NBEA: variants seen among roughly 807,000 people sequenced by gnomAD.
NBEA encodes the protein neurobeachin, also known as lysosomal-trafficking regulator 2.
A neutral mutation model predicts 343.4 loss-of-function variants in NBEA; 44 were observed. That is an observed-to-expected ratio of 0.13 (90% CI 0.10 to 0.16). The LOEUF is 0.16. Ranked by LOEUF, NBEA falls within the 10% of genes least tolerant of loss-of-function variation. NBEA has a pLI of 1.00. For missense variants in NBEA, 2,555 were observed against 3,631.3 expected, an observed-to-expected ratio of 0.70 and a Z score of 7.62; for synonymous variants, 1,175 against 1,238.7, an observed-to-expected ratio of 0.95 and a Z score of 1.08.
At chr13:35,239,092 T>G (rs182113900) in intron 34 of NBEA, among the ~76,000 whole-genome samples, 2 of 152,184 alleles carry the variant, frequency 1.3e-5, no homozygotes, top group East Asian at 3.9e-4. Context: ...CACAAGAAAA[T>G]TGGGTAAATG....
In NBEA at chr13:34,943,102, G is replaced by C. The variant is rs201561325; in HGVS notation, c.282G>C (p.Thr94=). ...GEVSNRDIVE[T]VLNLLVGGEF... ...TCAGCAACAGGGACATCGTGGAGACGGTGCTCAACCTGGTAAGGAAAAGGC... is the reference window on the plus strand; with the variant it reads ...TCAGCAACAGGGACATCGTGGAGACCGTGCTCAACCTGGTAAGGAAAAGGC... Residue 94 remains threonine (T), a synonymous_variant, in exon 1 of 59, where the codon ACG becomes ACC. Transcript: ENST00000379939. The C allele has an allele frequency of 2.4e-5, 38 of 1,613,336 alleles. No individual in the cohort carries two copies. In the East Asian group the frequency reaches 4.2e-4, roughly 18 times the overall value.
intron 9 of NBEA, 124 bp downstream of exon 9, chr13:35,070,229 A>T (rs760667621): frequency 1.5e-5 from 14 of 923,076 alleles, no homozygotes; most frequent in Non-Finnish European, 2.0e-5. Flanking sequence ...GCTTTTGCAG[A>T]TCTTTTAAGT....
At chr13:35,215,525 A>T (rs1285789430) in intron 33 of NBEA, among the ~76,000 whole-genome samples, 1 of 151,772 alleles carries the variant, frequency 6.6e-6, no homozygotes, top group African/African-American at 2.4e-5. Context: ...ATCTTAAAAA[A>T]TAGCAAATCA....
intron 1 of NBEA, among the ~76,000 whole-genome samples, chr13:34,950,291 T>C (rs1011246314): frequency 3.3e-5 from 5 of 152,154 alleles, no homozygotes; most frequent in Non-Finnish European, 5.9e-5. Flanking sequence ...TAGAATTGAT[T>C]GCAGTCTGCA....
At chr13:35,239,452 T>G (rs1367711880) in intron 34 of NBEA, among the ~76,000 whole-genome samples, 1 of 152,120 alleles carries the variant, frequency 6.6e-6, no homozygotes, top group Non-Finnish European at 1.5e-5. Context: ...GGTAGTAATA[T>G]TATCGATATT....
intron 49 of NBEA, 31 bp downstream of exon 49, chr13:35,628,279 A>C (rs1466974160): frequency 6.8e-7 from 1 of 1,466,740 alleles, no homozygotes; most frequent in African/African-American, 1.4e-5. Flanking sequence ...TATTCCAAAA[A>C]TTTCTGTCAT....
chr13:35,053,487 TCCC>T (rs1232211875), intron 6 of NBEA, among the ~76,000 whole-genome samples: 9 of 152,102 alleles, frequency 5.9e-5, no homozygotes, highest in Non-Finnish European at 1.5e-5. Context: ...TGTCTTTCCT[TCCC>T]AGTTACTTAT....
intron 38 of NBEA, among the ~76,000 whole-genome samples, chr13:35,360,806 G>T (rs1765157873): frequency 6.6e-6 from 1 of 151,900 alleles, no homozygotes; most frequent in Non-Finnish European, 1.5e-5. Flanking sequence ...GAAGAAAAGA[G>T]AGAAATCAGA....
chr13:34,963,544 G>A (rs960929184), intron 1 of NBEA, among the ~76,000 whole-genome samples: 1 of 151,972 alleles, frequency 6.6e-6, no homozygotes, highest in East Asian at 1.9e-4. Context: ...TCTTAACTAA[G>A]CGAAAATAAG....
Position 35,551,120 on chromosome 13 carries a change from A to G in NBEA, c.6806+88A>G, listed in dbSNP as rs2079302960. The G allele has an allele frequency of 2.6e-5, 19 of 721,336 alleles. 1 individual carries two copies. In the South Asian group the frequency reaches 5.0e-4, roughly 19 times the overall value. The allele number at this position is 721,336 out of a possible 1,614,324, so 44.7% of individuals were successfully genotyped here. ...GCAATGTAAATGTGGTTATAACATT[A>G]TAATTATTTCAGAGACCAAAGAATT... is the stretch of plus-strand genomic sequence containing the variant. On this transcript the variant is annotated intron_variant, in intron 43 of 58. Coordinates refer to ENST00000379939, the MANE Select transcript of NBEA (RefSeq NM_001385012.1).
intron 11 of NBEA, among the ~76,000 whole-genome samples, chr13:35,102,490 A>G (rs2065694709): frequency 1.3e-5 from 2 of 151,650 alleles, no homozygotes; most frequent in African/African-American, 2.4e-5. Flanking sequence ...CATCTTTCCT[A>G]TATTGAATCT....
At chr13:35,426,968 T>C (rs182083566) in intron 38 of NBEA, among the ~76,000 whole-genome samples, 7 of 152,334 alleles carry the variant, frequency 4.6e-5, no homozygotes, top group African/African-American at 1.4e-4. Context: ...TCTTGTGCCA[T>C]GGTTTTCAGC....
chr13:35,248,042 A>G (rs182665581), intron 34 of NBEA, among the ~76,000 whole-genome samples: 3 of 152,304 alleles, frequency 2.0e-5, no homozygotes, highest in East Asian at 3.9e-4. Flanking sequence ...GAACCACACA[A>G]CCTACCCAGA....
intron 38 of NBEA, among the ~76,000 whole-genome samples, chr13:35,403,236 GTTA>G (rs1252869918): frequency 1.3e-5 from 2 of 151,826 alleles, no homozygotes; most frequent in Non-Finnish European, 2.9e-5. Context: ...CTTTGAAATA[GTTA>G]TTAATGTTAA....
At chr13:35,438,650 T>A (rs2045571064) in intron 39 of NBEA, among the ~76,000 whole-genome samples, 1 of 152,172 alleles carries the variant, frequency 6.6e-6, no homozygotes, top group African/African-American at 2.4e-5. Flanking sequence ...GGTAATCTGG[T>A]TATGGTTTAA....
intron 44 of NBEA, 129 bp downstream of exon 44, chr13:35,555,231 A>G (rs1314231397): frequency 3.8e-6 from 2 of 521,788 alleles, no homozygotes; most frequent in Non-Finnish European, 6.6e-6. Flanking sequence ...TGAAGCACTC[A>G]CATTAAATTT....
At chr13:35,272,503 C>A (rs547694875) in intron 34 of NBEA, among the ~76,000 whole-genome samples, 1 of 152,130 alleles carries the variant, frequency 6.6e-6, no homozygotes, top group East Asian at 1.9e-4. Context: ...TCACACATAA[C>A]AATATTAACC....
intron 34 of NBEA, among the ~76,000 whole-genome samples, chr13:35,246,618 A>T (rs2031238711): frequency 6.6e-6 from 1 of 152,166 alleles, no homozygotes; most frequent in Admixed American, 6.5e-5. Context: ...TTGTTTGCAC[A>T]GAGTCCTGTC....
chr13:35,179,260 T>A (rs1038760428), intron 28 of NBEA, among the ~76,000 whole-genome samples: 4 of 151,596 alleles, frequency 2.6e-5, no homozygotes, highest in Non-Finnish European at 5.9e-5. Flanking sequence ...TAGGATAATA[T>A]GTATTTAGTG....
Sources: allele counts gnomAD v4.1 joint callset (sites outside exome capture counted in the v4.1 genomes callset), GRCh38; gene constraint gnomAD v4.1.1; transcripts MANE v1.5; gene names NCBI Gene and HGNC (gene_info 2026-07-23, HGNC 2026-07-21).